The following KMT2C variants were observed in gnomAD, a reference collection of about 807,000 sequenced individuals.
The protein encoded by KMT2C is histone-lysine N-methyltransferase 2C.
A neutral mutation model predicts 507.9 loss-of-function variants in KMT2C; 88 were observed. That is an observed-to-expected ratio of 0.17 (90% CI 0.15 to 0.21). KMT2C has a LOEUF of 0.21. Ranked by LOEUF, KMT2C falls within the 10% of genes least tolerant of loss-of-function variation. KMT2C has a pLI of 1.00. For missense variants in KMT2C, 4,954 were observed against 5,957.8 expected, an observed-to-expected ratio of 0.83 and a Z score of 5.55; for synonymous variants, 2,049 against 2,080.8, an observed-to-expected ratio of 0.98 and a Z score of 0.42.
At chr7:152,184,480 C>A (rs1455401511) in intron 34 of KMT2C, among the ~76,000 whole-genome samples, 1 of 152,130 alleles carries the variant, frequency 6.6e-6, no homozygotes, top group African/African-American at 2.4e-5. Flanking sequence ...TATAAAATTA[C>A]CTAATAGTTC....
At chr7:152,188,773 C>A (rs1022285572) in intron 31 of KMT2C, among the ~76,000 whole-genome samples, 2 of 151,942 alleles carry the variant, frequency 1.3e-5, no homozygotes, top group African/African-American at 4.8e-5. Flanking sequence ...CCATGCCCAG[C>A]TAATTTTTGT....
intron 2 of KMT2C, among the ~76,000 whole-genome samples, chr7:152,357,801 T>A (rs1180428244): frequency 6.6e-6 from 1 of 152,190 alleles, no homozygotes; most frequent in Non-Finnish European, 1.5e-5. Context: ...GCAACACATC[T>A]GACAACTGTA....
chr7:152,325,055 T>C (rs922517324), intron 3 of KMT2C, among the ~76,000 whole-genome samples: 3 of 152,060 alleles, frequency 2.0e-5, no homozygotes, highest in Admixed American at 2.0e-4. Context: ...AGTTATATGC[T>C]TTAGAAATAT....
At chr7:152,212,288 GTATCA>G (rs1481266711) in intron 23 of KMT2C, among the ~76,000 whole-genome samples, 4 of 152,256 alleles carry the variant, frequency 2.6e-5, no homozygotes, top group Non-Finnish European at 5.9e-5. Context: ...TGTATTTCTT[GTATCA>G]TGCACAGGTA....
rs1293306881 is a variant in KMT2C, at chr7:152,135,786, C to T, written c.*1046G>A. ...AATATGAAAAAATTAGTTTAAATTA[C>T]CAAAACAGCTATAAAAGTTGTAGTC... On this transcript the variant is annotated 3_prime_UTR_variant, in exon 59 of 59. Coordinates refer to ENST00000262189, the MANE Select transcript of KMT2C (RefSeq NM_170606.3). The T allele has an allele frequency of 4.4e-6, 1 of 229,508 alleles. No individual in the cohort carries two copies. The highest frequency in any genetic ancestry group is 8.6e-6 in the Non-Finnish European group (1 of 115,616). 14.2% of individuals were successfully genotyped at this position (229,508 alleles called of 1,614,324 possible).
At chr7:152,194,658 C>A (rs2129129956) in intron 28 of KMT2C, 90 bp from the exon 29 acceptor site, 1 of 893,000 alleles carries the variant, frequency 1.1e-6, no homozygotes, top group Non-Finnish European at 1.7e-6. Flanking sequence ...TAGTATATAA[C>A]AATATGATTA....
chr7:152,379,432 G>A (rs1457139929), intron 1 of KMT2C, among the ~76,000 whole-genome samples: 5 of 152,116 alleles, frequency 3.3e-5, no homozygotes, highest in African/African-American at 1.2e-4. Context: ...CAGCTACTCA[G>A]GAGGCTGAGG....
intron 55 of KMT2C, among the ~76,000 whole-genome samples, chr7:152,141,770 G>C (rs1361023873): frequency 6.6e-6 from 1 of 150,454 alleles, no homozygotes; most frequent in Non-Finnish European, 1.5e-5. Context: ...TGTAATCCCA[G>C]CACTTTGGGA....
Position 152,162,324 on chromosome 7 carries a change from A to G in KMT2C, c.11253T>C (p.Cys3751=), listed in dbSNP as rs2092498990. ...GAGGACTCTGTGCTGAGGAGACAGG[A>G]CAGGCTACAGCGTTTCCTTCTACCT... The part of the protein sequence containing the change: ...GSKVEGNAVA[C]PVSSAQSPPH... Residue 3751 remains cysteine, a synonymous_variant, in exon 43 of 59, where the codon TGT becomes TGC. Transcript: ENST00000262189. 6.2e-7 allele frequency: 1 copy of G among 1,614,220 alleles called. No individual in the cohort carries two copies. The highest frequency in any genetic ancestry group is 1.7e-5 in the Admixed American group (1 of 60,028).
chr7:152,175,150 AT>A (rs58064231), intron 38 of KMT2C, among the ~76,000 whole-genome samples: 10 of 145,506 alleles, frequency 6.9e-5, no homozygotes, highest in Non-Finnish European at 1.2e-4. Context: ...CGTTGTTTTC[AT>A]TTTTTTTTTT....
chr7:152,232,457 G>A (rs2129152991), intron 16 of KMT2C, among the ~76,000 whole-genome samples: 1 of 152,266 alleles, frequency 6.6e-6, no homozygotes, highest in Non-Finnish European at 1.5e-5. Context: ...ATAAAAACAT[G>A]CAAAGTCATT....
intron 9 of KMT2C, among the ~76,000 whole-genome samples, chr7:152,259,991 T>C (rs2095740820): frequency 6.6e-6 from 1 of 152,218 alleles, no homozygotes; most frequent in African/African-American, 2.4e-5. Flanking sequence ...CTGGTAACTA[T>C]TTCTGTACTT....
chr7:152,272,078 T>TTG (rs2095986975), intron 7 of KMT2C, among the ~76,000 whole-genome samples: 1 of 152,196 alleles, frequency 6.6e-6, no homozygotes, highest in African/African-American at 2.4e-5. Flanking sequence ...TTTTATCCTA[T>TTG]TGCTCATGTA....
Position 152,236,318 on chromosome 7 carries a change from C to T in KMT2C, c.2653-385G>A, listed in dbSNP as rs9886160. 9.3e-3 allele frequency among the ~76,000 whole-genome samples: 1,412 copies of T among 152,322 alleles called. 11 individuals are homozygous for T. The highest frequency in any genetic ancestry group is 0.033 in the African/African-American group (1,357 of 41,558). On this transcript the variant is annotated intron_variant, in intron 15 of 58. Coordinates refer to ENST00000262189, the MANE Select transcript of KMT2C (RefSeq NM_170606.3). ...AGGAAGAACTCTCTCATTAACTGGT[C>T]TCGCGGTGATTACAATAATAGCTAA...
At chr7:152,150,201 G>A (rs2091491016) in intron 51 of KMT2C, among the ~76,000 whole-genome samples, 1 of 152,182 alleles carries the variant, frequency 6.6e-6, no homozygotes, top group Admixed American at 6.5e-5. Context: ...ATCAAGTAAA[G>A]CAGACCTCTT....
At chr7:152,297,114 ATATGTGAACATATATATGC>A (rs2096523503) in intron 6 of KMT2C, among the ~76,000 whole-genome samples, 1 of 152,016 alleles carries the variant, frequency 6.6e-6, no homozygotes, top group Non-Finnish European at 1.5e-5. Context: ...AGACGTGAAT[ATATGTGAACATATATATGC>A]TATGTGAACA....
intron 6 of KMT2C, among the ~76,000 whole-genome samples, chr7:152,291,315 TTGA>T (rs372720402): frequency 5.1e-5 from 7 of 136,308 alleles, no homozygotes; most frequent in African/African-American, 1.3e-4. Flanking sequence ...TTCATAGGAT[TTGA>T]TGATGAAGTC....
chr7:152,191,496 T>C (rs751009203), intron 31 of KMT2C, among the ~76,000 whole-genome samples: 9 of 152,228 alleles, frequency 5.9e-5, no homozygotes, highest in African/African-American at 2.2e-4. Context: ...CACGGAAGTA[T>C]CTTTACATGG....
At chr7:152,202,511 G>C (rs1250065341) in intron 26 of KMT2C, among the ~76,000 whole-genome samples, 2 of 152,162 alleles carry the variant, frequency 1.3e-5, no homozygotes, top group Non-Finnish European at 2.9e-5. Flanking sequence ...TCTAAAAGTG[G>C]TAACGATTAT....
Sources: gnomAD v4.1 joint callset for allele counts (sites outside exome capture counted in the v4.1 genomes callset) on GRCh38, gnomAD v4.1.1 for gene constraint, MANE v1.5 for transcripts, NCBI Gene and HGNC (gene_info 2026-07-23, HGNC 2026-07-21) for gene names.